The following ELAPOR1 variants were observed in gnomAD, a reference collection of about 807,000 sequenced individuals.
ELAPOR1 encodes endosome/lysosome-associated apoptosis and autophagy regulator 1.
In ELAPOR1, 77 loss-of-function variants were observed where a neutral mutation model predicts 119.7. The observed-to-expected ratio is 0.64, with a 90% CI of 0.54 to 0.78. The LOEUF is 0.78. ELAPOR1 is among the 30% of genes least tolerant of loss of function. The pLI is 0.00. For synonymous variants in ELAPOR1, 481 were observed against 487.2 expected, an observed-to-expected ratio of 0.99 and a Z score of 0.17; for missense variants, 1,115 against 1,270.4, an observed-to-expected ratio of 0.88 and a Z score of 1.86.
chr1:109,179,266 G>T (rs1202552704), intron 7 of ELAPOR1, among the ~76,000 whole-genome samples: 3 of 151,826 alleles, frequency 2.0e-5, no homozygotes, highest in Non-Finnish European at 4.4e-5. Flanking sequence ...GCCGGGCATG[G>T]TGGCGGGCGC....
intron 7 of ELAPOR1, among the ~76,000 whole-genome samples, chr1:109,177,135 A>G (rs376353948): frequency 3.8e-3 from 505 of 134,504 alleles, no homozygotes; most frequent in Middle Eastern, 0.011. Flanking sequence ...CCTCCCAGAC[A>G]GGGTGGTGGC....
intron 1 of ELAPOR1, among the ~76,000 whole-genome samples, chr1:109,127,369 C>A (rs1048419023): frequency 6.6e-6 from 1 of 151,570 alleles, no homozygotes; most frequent in Non-Finnish European, 1.5e-5. Context: ...TGCACGCCAC[C>A]ATGCCTGACT....
At chr1:109,137,685 C>T (rs1649564277) in intron 1 of ELAPOR1, among the ~76,000 whole-genome samples, 1 of 151,512 alleles carries the variant, frequency 6.6e-6, no homozygotes, top group African/African-American at 2.4e-5. Context: ...TGCGCCACCA[C>T]CCCCGGCTAA....
intron 1 of ELAPOR1, among the ~76,000 whole-genome samples, chr1:109,141,726 C>T (rs376762471): frequency 3.6e-4 from 54 of 151,696 alleles, no homozygotes; most frequent in African/African-American, 6.0e-4. Flanking sequence ...AGTGCAATGA[C>T]GCAATCATGG....
At position 109,203,116 on chromosome 1, in the gene ELAPOR1, C is replaced by G. The variant is rs1654283352; in HGVS notation, c.*104C>G. ...CTGCAACACCCACTGCTGGAAATCT[C>G]TTCATTGTGGCCTTATCAGATGTTT... is the stretch of plus-strand genomic sequence containing the variant. On this transcript the variant is annotated 3_prime_UTR_variant, in exon 22 of 22. Coordinates refer to ENST00000369939, the MANE Select transcript of ELAPOR1 (RefSeq NM_020775.5). 1.1e-5 allele frequency: 8 copies of G among 744,252 alleles called. No homozygotes were observed. The highest frequency in any genetic ancestry group is 3.5e-5 in the African/African-American group (2 of 56,512). The allele number at this position is 744,252 out of a possible 1,614,324, so 46.1% of individuals were successfully genotyped here. A position where few individuals can be genotyped will look rare whatever the true frequency, so the allele number is the denominator to read the frequency against.
intron 15 of ELAPOR1, among the ~76,000 whole-genome samples, chr1:109,195,317 C>T (rs1653717281): frequency 6.6e-6 from 1 of 151,734 alleles, no homozygotes; most frequent in African/African-American, 2.4e-5. Context: ...CACGGTGAAA[C>T]CCTGTCTCTA....
chr1:109,171,090 C>T (rs951150773), intron 3 of ELAPOR1, among the ~76,000 whole-genome samples: 2 of 152,174 alleles, frequency 1.3e-5, no homozygotes, highest in African/African-American at 4.8e-5. Flanking sequence ...GACCTGATTT[C>T]AGCCCTGCCA....
rs145373428 is a variant in ELAPOR1 at position 109,164,693 on chromosome 1, T to G, written c.467+2T>G. 1.2e-6 allele frequency: 2 copies of G among 1,612,258 alleles called. No homozygotes were observed. Among genetic ancestry groups the G allele is most frequent in the South Asian group, 1.1e-5 (1 of 90,904 alleles). ...TGAGTCCACCGGGAACTGTACTTCG[T>G]GAGTCTGCACACACCCCCACCCCAC... On this transcript the variant is annotated splice_donor_variant, in intron 3 of 21. Coordinates refer to ENST00000369939, the MANE Select transcript of ELAPOR1 (RefSeq NM_020775.5). LOFTEE classifies it high-confidence loss of function.
chr1:109,122,790 C>T (rs1570600177), intron 1 of ELAPOR1, among the ~76,000 whole-genome samples: 1 of 152,166 alleles, frequency 6.6e-6, no homozygotes, highest in Non-Finnish European at 1.5e-5. Context: ...AACCCCATCT[C>T]TACTAAAAAT....
At chr1:109,150,540 AC>A (rs1650468538) in intron 1 of ELAPOR1, among the ~76,000 whole-genome samples, 1 of 151,968 alleles carries the variant, frequency 6.6e-6, no homozygotes, top group South Asian at 2.1e-4. Context: ...GCAACTAATT[AC>A]GTGGGATGAC....
At chr1:109,190,630 G>A (rs1243229364) in intron 11 of ELAPOR1, among the ~76,000 whole-genome samples, 1 of 152,204 alleles carries the variant, frequency 6.6e-6, no homozygotes, top group Non-Finnish European at 1.5e-5. Context: ...AATGAAGCCT[G>A]TGTTTGCAAG....
At chr1:109,130,123 G>C (rs149906106) in intron 1 of ELAPOR1, among the ~76,000 whole-genome samples, 1 of 152,174 alleles carries the variant, frequency 6.6e-6, no homozygotes, top group Non-Finnish European at 1.5e-5. Flanking sequence ...ATGGCATAAG[G>C]CCTTGAAATT....
chr1:109,202,269 C>T (rs68055078), intron 21 of ELAPOR1, among the ~76,000 whole-genome samples: 37,469 of 151,194 alleles, frequency 0.25, 6,110 homozygotes, highest in African/African-American at 0.47. Flanking sequence ...CTTGCCATCA[C>T]ACCTGGCTAA....
intron 11 of ELAPOR1, among the ~76,000 whole-genome samples, chr1:109,190,954 C>T (rs1466761202): frequency 6.6e-6 from 1 of 152,134 alleles, no homozygotes; most frequent in Non-Finnish European, 1.5e-5. Flanking sequence ...GCCTGGGAAT[C>T]GTATTAACAT....
intron 1 of ELAPOR1, among the ~76,000 whole-genome samples, chr1:109,118,868 G>C (rs1373075065): frequency 1.3e-5 from 2 of 150,744 alleles, no homozygotes; most frequent in African/African-American, 4.9e-5. Context: ...ACAGTGTCTA[G>C]GCTTTTCTGT....
intron 10 of ELAPOR1, 71 bp downstream of exon 10, chr1:109,189,265 C>T: frequency 6.5e-7 from 1 of 1,538,334 alleles, no homozygotes; most frequent in Non-Finnish European, 8.8e-7. Flanking sequence ...CTTCACATTT[C>T]TTCATAATAG....
At chr1:109,150,571 A>G (rs1650470604) in intron 1 of ELAPOR1, among the ~76,000 whole-genome samples, 1 of 152,134 alleles carries the variant, frequency 6.6e-6, no homozygotes, top group South Asian at 2.1e-4. Context: ...CCTTGACCCT[A>G]TGCGTCTGCC....
chr1:109,122,015 G>T (rs939765612), intron 1 of ELAPOR1, among the ~76,000 whole-genome samples: 1 of 150,964 alleles, frequency 6.6e-6, no homozygotes, highest in Non-Finnish European at 1.5e-5. Flanking sequence ...CTTGTGATCC[G>T]CCCACCTTGG....
chr1:109,184,178 C>G (rs1652913578), intron 7 of ELAPOR1, among the ~76,000 whole-genome samples: 2 of 152,150 alleles, frequency 1.3e-5, no homozygotes, highest in African/African-American at 4.8e-5. Context: ...TCGAGACCAG[C>G]CTGACCAACA....
Sources: allele counts gnomAD v4.1 joint callset (sites outside exome capture counted in the v4.1 genomes callset), GRCh38; gene constraint gnomAD v4.1.1; transcripts MANE v1.5; gene names NCBI Gene and HGNC (gene_info 2026-07-23, HGNC 2026-07-21).